SFSWAP: variants seen among roughly 807,000 people sequenced by gnomAD.
SFSWAP encodes splicing factor, suppressor of white-apricot homolog.
Under a neutral mutation model 100.7 loss-of-function variants are expected in SFSWAP, and 17 were observed. The ratio of observed to expected loss-of-function variants is 0.17; its 90% CI spans 0.12 to 0.25. The LOEUF (loss-of-function observed/expected upper bound fraction) is 0.25, where lower values mean the gene tolerates loss of function less well. SFSWAP is among the 10% of genes least tolerant of loss of function. SFSWAP has a pLI of 1.00. For synonymous variants in SFSWAP, 504 were observed against 510.1 expected (o/e 0.99, Z 0.16); for missense variants, 1,005 against 1,262.6 (o/e 0.80, Z 3.09).
At chr12:131,742,674 A>G (rs1215441982) in intron 7 of SFSWAP, among the ~76,000 whole-genome samples, 1 of 151,996 alleles carries the variant, frequency 6.6e-6, no homozygotes, top group Non-Finnish European at 1.5e-5. Flanking sequence ...GGGAGGTTAC[A>G]ACAAAATACA....
At position 131,799,659 on chromosome 12, in the gene SFSWAP, C is replaced by T. The variant is rs552854476; in HGVS notation, c.*171C>T. 7 of 600,930 alleles carry T rather than the reference C, an allele frequency of 1.2e-5. No individual in the cohort carries two copies. The South Asian group carries it at 1.5e-4, about 13-fold the overall frequency. 37.2% of individuals were successfully genotyped at this position (600,930 alleles called of 1,614,324 possible). On this transcript the variant is annotated 3_prime_UTR_variant, in exon 18 of 18. Transcript: ENST00000261674. ...AGATTTCTGACCAGCAGTCTCTTAC[C>T]TGTATATTTGTAAATATATCATGTT...
At chr12:131,753,590 T>C (rs1469887116) in intron 8 of SFSWAP, 1 of 580,110 alleles carries the variant, frequency 1.7e-6, no homozygotes, top group Non-Finnish European at 3.0e-6. Flanking sequence ...TAAAGTTGAA[T>C]TCATTTCACG....
intron 7 of SFSWAP, among the ~76,000 whole-genome samples, chr12:131,744,492 C>T (rs1880937877): frequency 1.3e-5 from 2 of 152,224 alleles, no homozygotes; most frequent in South Asian, 4.1e-4. Flanking sequence ...ACAAGTTCCT[C>T]ATCTCCATCT....
chr12:131,728,318 A>T lies in SFSWAP; in HGVS notation c.971A>T (p.His324Leu). The T allele has an allele frequency of 6.2e-7, 1 of 1,614,208 alleles. No homozygotes were observed. The highest frequency in any genetic ancestry group is 8.5e-7 in the Non-Finnish European group (1 of 1,180,032). The stretch of plus-strand genomic sequence containing the variant: ...CCCTTGAAGGTAGTGGACCCAGATC[A>T]TCCCCTCGCAGCACTTGTTCGTAAG... The part of the protein sequence containing the change: ...MKPLKVVDPD[H>L]PLAALVRKAQ... The change falls in exon 7 of 18, where the codon CAT becomes CTT. Residue 324 changes from histidine to leucine, a missense_variant. By Grantham distance (99) the His-to-Leu change is moderately conservative. Coordinates refer to ENST00000261674, the MANE Select transcript of SFSWAP (RefSeq NM_004592.4).
rs573281235 is a variant in SFSWAP at position 131,766,043 on chromosome 12, C to T, written c.1952-75C>T. The T allele has an allele frequency of 6.3e-5, 92 of 1,449,562 alleles. No individual in the cohort carries two copies. In the African/African-American group the frequency reaches 1.2e-3, roughly 19 times the overall value. 89.8% of individuals were successfully genotyped at this position (1,449,562 alleles called of 1,614,324 possible). On this transcript the variant is annotated intron_variant, in intron 12 of 17. Transcript: ENST00000261674. ...CTAACTGCATTGTATGACACTTTTG[C>T]AACCTGTGAAAATTAAGATCAGATA...
At chr12:131,795,938 T>A (rs968271542) in intron 15 of SFSWAP, among the ~76,000 whole-genome samples, 14 of 142,576 alleles carry the variant, frequency 9.8e-5, no homozygotes, top group Non-Finnish European at 2.0e-4. Context: ...CTGGGATCTG[T>A]CCTGCCCAGG....
Position 131,734,415 on chromosome 12 carries a change from G to A in SFSWAP, c.1081+5987G>A, listed in dbSNP as rs1226095179. Among the ~76,000 whole-genome samples the A allele has an allele frequency of 6.6e-6, 1 of 152,234 alleles. No homozygotes were observed. Among genetic ancestry groups the A allele is most frequent in the Non-Finnish European group, 1.5e-5 (1 of 68,046 alleles). ...TGAGAAGAGGACTTAAGATCAAAAA[G>A]AGAGTGACTAGGAGGTCAGAGAGGC... On this transcript the variant is annotated intron_variant, in intron 7 of 17. Transcript: ENST00000261674. The surrounding 1 kb of genome is among the most constrained non-coding windows in gnomAD (Gnocchi z 4.9).
chr12:131,731,430 C>T (rs910095539), intron 7 of SFSWAP, among the ~76,000 whole-genome samples: 7 of 152,226 alleles, frequency 4.6e-5, no homozygotes, highest in Admixed American at 1.3e-4. Context: ...ACCTCGTCTT[C>T]ACTTCCTGGG....
intron 11 of SFSWAP, among the ~76,000 whole-genome samples, chr12:131,760,356 G>C (rs1160482299): frequency 6.6e-6 from 1 of 152,170 alleles, no homozygotes; most frequent in African/African-American, 2.4e-5. Flanking sequence ...CACTGACCTA[G>C]AGAAATAGAC....
At chr12:131,723,013 T>C (rs148064618) in intron 4 of SFSWAP, among the ~76,000 whole-genome samples, 2 of 152,286 alleles carry the variant, frequency 1.3e-5, no homozygotes, top group East Asian at 3.9e-4. Context: ...TGTTAAAGTT[T>C]AGAAAGTTAA....
chr12:131,795,408 T>C (rs1885559468), intron 15 of SFSWAP, among the ~76,000 whole-genome samples: 1 of 152,158 alleles, frequency 6.6e-6, no homozygotes, highest in African/African-American at 2.4e-5. Flanking sequence ...CCCCCCTGCA[T>C]ATCGGGGCTG....
intron 7 of SFSWAP, among the ~76,000 whole-genome samples, chr12:131,746,972 C>G (rs572489591): frequency 6.6e-6 from 1 of 151,984 alleles, no homozygotes; most frequent in Non-Finnish European, 1.5e-5. Flanking sequence ...GGTGTGGTGG[C>G]GGGTGCCTGT....
chr12:131,791,754 G>A (rs1450902196), intron 15 of SFSWAP, among the ~76,000 whole-genome samples: 7 of 151,904 alleles, frequency 4.6e-5, no homozygotes, highest in African/African-American at 1.5e-4. Context: ...AAAACAAAAA[G>A]AAAGAAAGAA....
intron 7 of SFSWAP, among the ~76,000 whole-genome samples, chr12:131,751,743 C>T (rs1409828343): frequency 1.3e-5 from 2 of 152,250 alleles, no homozygotes; most frequent in African/African-American, 4.8e-5. Context: ...GCTGCAGAGA[C>T]AGTGAAGACA....
rs983521971 is a variant in SFSWAP, at chr12:131,799,045, C to T, written c.2726C>T (p.Ser909Phe). The T allele has an allele frequency of 1.2e-6, 2 of 1,613,516 alleles. No homozygotes were observed. The highest frequency in any genetic ancestry group is 2.7e-5 in the African/African-American group (2 of 74,916). Residue 909 changes from serine to phenylalanine, a missense_variant, in exon 17 of 18, where the codon TCT (serine) becomes TTT (phenylalanine). Physicochemically the swap from Ser to Phe is radical, Grantham distance 155. Around this residue, in one of 7 missense-constraint regions of SFSWAP, gnomAD observed 295 missense variants for 347.9 expected, o/e 0.85. Transcript: ENST00000261674. ...CTCTCTCTCTGCATTAGGGGAGTCT[C>T]TCAGGAAAAAGAAGCCCAGATCTCT... ...GSSQERSRGV[S>F]QEKEAQISSA...
intron 7 of SFSWAP, among the ~76,000 whole-genome samples, chr12:131,735,070 T>C (rs938960046): frequency 1.3e-5 from 2 of 152,176 alleles, no homozygotes; most frequent in Admixed American, 1.3e-4. Context: ...CCACAGGCAC[T>C]CGGACTCCAG....
chr12:131,764,338 A>G lies in SFSWAP; in HGVS notation c.1721-118A>G, dbSNP rs999902023. The G allele has an allele frequency of 1.2e-5, 9 of 752,248 alleles. No individual in the cohort carries two copies. In the African/African-American group the frequency reaches 1.2e-4, roughly 10 times the overall value. 46.6% of individuals were successfully genotyped at this position (752,248 alleles called of 1,614,324 possible). ...GCGTCCCCCACCGTAGACCCTGCAT[A>G]TGATGTGGCTCCATGCTAGTCATCC... On this transcript the variant is annotated intron_variant, in intron 11 of 17. Coordinates refer to ENST00000261674, the MANE Select transcript of SFSWAP (RefSeq NM_004592.4).
intron 15 of SFSWAP, among the ~76,000 whole-genome samples, chr12:131,791,976 TTAC>T (rs919414397): frequency 6.8e-6 from 1 of 147,366 alleles, no homozygotes; most frequent in African/African-American, 2.5e-5. Context: ...TCACTGGTCA[TTAC>T]TGTGTGTGCA....
At chr12:131,762,350 G>C (rs1177590254) in intron 11 of SFSWAP, among the ~76,000 whole-genome samples, 1 of 152,218 alleles carries the variant, frequency 6.6e-6, no homozygotes, top group Non-Finnish European at 1.5e-5. Context: ...AGTCAAGGCT[G>C]CAATAAGCTA....
Sources: allele counts gnomAD v4.1 joint callset (sites outside exome capture counted in the v4.1 genomes callset), GRCh38; gene constraint gnomAD v4.1.1; regional missense constraint gnomAD v4.1.1; non-coding constraint Gnocchi (gnomAD v3.1); transcripts MANE v1.5; gene names NCBI Gene and HGNC (gene_info 2026-07-23, HGNC 2026-07-21).